TEX36: variants seen among roughly 807,000 people sequenced by gnomAD.
TEX36 encodes the protein testis expressed 36, also known as testis-expressed protein 36.
Under a neutral mutation model 13.6 loss-of-function variants are expected in TEX36, and 12 were observed. The observed-to-expected ratio is 0.88, with a 90% CI of 0.56 to 1.43. The LOEUF (loss-of-function observed/expected upper bound fraction) is 1.43, where lower values mean the gene tolerates loss of function less well. Ranked by LOEUF, TEX36 falls within the 40% of genes most tolerant of loss-of-function variation. TEX36 has a pLI of 0.00. For missense variants in TEX36, 224 were observed against 228.3 expected (o/e 0.98, Z 0.12); for synonymous variants, 93 against 83.0 (o/e 1.12, Z -0.65).
chr10:125,589,466 G>T (rs1845997305), intron 3 of TEX36, among the ~76,000 whole-genome samples: 1 of 152,184 alleles, frequency 6.6e-6, no homozygotes, highest in South Asian at 2.1e-4. Flanking sequence ...TCAGTAACAA[G>T]TGTGATATTG....
rs180883463 is a variant in TEX36, at chr10:125,605,310, G to T, written c.265-28436C>A. Among the ~76,000 whole-genome samples, 5 of 150,232 alleles carry T rather than the reference G, an allele frequency of 3.3e-5. No individual in the cohort carries two copies. In the East Asian group the frequency reaches 9.7e-4, roughly 29 times the overall value. ...CACACACAGCATAGTGCAGCAATGT[G>T]GTCAGTTATTCTCCACACGCAGCAT... On this transcript the variant is annotated intron_variant, in intron 3 of 3. Transcript: ENST00000532135.
intron 3 of TEX36, among the ~76,000 whole-genome samples, chr10:125,582,739 A>G (rs1331853261): frequency 6.6e-6 from 1 of 152,234 alleles, no homozygotes; most frequent in African/African-American, 2.4e-5. Flanking sequence ...GGTATTTTTC[A>G]GCACTTATTT....
chr10:125,577,697 G>T (rs1482892374), intron 3 of TEX36, among the ~76,000 whole-genome samples: 9 of 152,120 alleles, frequency 5.9e-5, no homozygotes, highest in Non-Finnish European at 1.5e-5. Flanking sequence ...CTGCCATATT[G>T]TATAGACAAT....
chr10:125,634,769 A>G (rs75271109), intron 3 of TEX36, among the ~76,000 whole-genome samples: 2,850 of 152,294 alleles, frequency 0.019, 103 homozygotes, highest in African/African-American at 0.066. Context: ...TGTGCTGAAA[A>G]CATCCACCAG....
chr10:125,631,917 A>G (rs949134240), intron 3 of TEX36, among the ~76,000 whole-genome samples: 1 of 152,050 alleles, frequency 6.6e-6, no homozygotes, highest in Non-Finnish European at 1.5e-5. Flanking sequence ...TGGTCTTTTA[A>G]GCAGGAACAC....
chr10:125,646,788 A>G (rs1846775619), intron 3 of TEX36, among the ~76,000 whole-genome samples: 1 of 152,190 alleles, frequency 6.6e-6, no homozygotes, highest in Non-Finnish European at 1.5e-5. Context: ...AAAAGGAAAA[A>G]AAAATGGAAG....
At position 125,683,102 on chromosome 10, in the gene TEX36, C is replaced by T. The variant is rs1664976463; in HGVS notation, c.-113G>A. 2 of 1,140,496 alleles carry T rather than the reference C, an allele frequency of 1.8e-6. No homozygotes were observed. Among genetic ancestry groups the T allele is most frequent in the Non-Finnish European group, 1.3e-6 (1 of 775,784 alleles). 70.6% of individuals were successfully genotyped at this position (1,140,496 alleles called of 1,614,324 possible). A position where few individuals can be genotyped will look rare whatever the true frequency, so the allele number is the denominator to read the frequency against. Reference sequence around the variant, plus strand: ...ATAAGCTCTACACGTCTGGGAAGCTCCTCCTCCTCCTTGTTCCTGATCTTT... The same window carrying T: ...ATAAGCTCTACACGTCTGGGAAGCTTCTCCTCCTCCTTGTTCCTGATCTTT... On this transcript the variant is annotated 5_prime_UTR_variant, in exon 1 of 4. Coordinates refer to ENST00000368821, the MANE Select transcript of TEX36 (RefSeq NM_001128202.3).
chr10:125,603,041 G>A (rs1846168409), intron 3 of TEX36, among the ~76,000 whole-genome samples: 2 of 152,208 alleles, frequency 1.3e-5, no homozygotes, highest in Admixed American at 1.3e-4. Flanking sequence ...CATGCATGGA[G>A]AGGTGAACAC....
rs1413812520 is a variant in TEX36, at chr10:125,656,161, C to T, written c.300G>A (p.Arg100=). The change falls in exon 4 of 4, where the codon AGG becomes AGA. Residue 100 remains arginine (R), a synonymous_variant. Transcript: ENST00000368821. ...GATTAAAATTTCTTGAAACATGTTG[C>T]CTCTTATCTGGAGAGATCTTCTTAC... ...LGRKKISPDK[R]QHVSRNFNLW... 6 of 1,541,490 alleles carry T rather than the reference C, an allele frequency of 3.9e-6. No homozygotes were observed. The highest frequency in any genetic ancestry group is 5.2e-6 in the Non-Finnish European group (6 of 1,144,288).
chr10:125,646,884 T>C (rs1483099668), intron 3 of TEX36, among the ~76,000 whole-genome samples: 1 of 152,322 alleles, frequency 6.6e-6, no homozygotes, highest in East Asian at 1.9e-4. Flanking sequence ...CCAGGAGCTT[T>C]CCTGGCAAAT....
chr10:125,582,889 C>A (rs1215269142), intron 3 of TEX36, among the ~76,000 whole-genome samples: 1 of 152,032 alleles, frequency 6.6e-6, no homozygotes, highest in African/African-American at 2.4e-5. Context: ...GATAATTAAG[C>A]CTCCAAATTT....
intron 3 of TEX36, among the ~76,000 whole-genome samples, chr10:125,627,526 G>A (rs1044901567): frequency 4.6e-5 from 7 of 152,040 alleles, no homozygotes; most frequent in Admixed American, 2.6e-4. Context: ...AATTTAAAAC[G>A]TCATTTTCTA....
rs375432166 is a variant in TEX36, at chr10:125,611,177, A to T, written c.265-34303T>A. Reference sequence around the variant, plus strand: ...TCAGTTTTACTCTATTGTAAATAACACTGGGGTTAATATCCTTCACGCAAT... The same window carrying T: ...TCAGTTTTACTCTATTGTAAATAACTCTGGGGTTAATATCCTTCACGCAAT... On this transcript the variant is annotated intron_variant, in intron 3 of 3. Transcript: ENST00000532135. Among the ~76,000 whole-genome samples the T allele has an allele frequency of 2.0e-5, 3 of 152,360 alleles. 1 individual carries two copies. The highest frequency in any genetic ancestry group is 7.2e-5 in the African/African-American group (3 of 41,598).
At chr10:125,598,799 A>G (rs983063843) in intron 3 of TEX36, among the ~76,000 whole-genome samples, 1 of 152,164 alleles carries the variant, frequency 6.6e-6, no homozygotes, top group African/African-American at 2.4e-5. Flanking sequence ...ACTTTACCTG[A>G]GTTAAATTGC....
intron 3 of TEX36, among the ~76,000 whole-genome samples, chr10:125,586,193 A>C (rs1845945094): frequency 6.6e-6 from 1 of 152,190 alleles, no homozygotes; most frequent in Admixed American, 6.5e-5. Context: ...ATTATTGTAT[A>C]CTTAGTTGGT....
intron 3 of TEX36, among the ~76,000 whole-genome samples, chr10:125,579,663 G>A (rs1845862546): frequency 1.3e-5 from 2 of 152,244 alleles, no homozygotes; most frequent in Middle Eastern, 3.4e-3. Context: ...TTGGATCATG[G>A]GGGTGGATTT....
At chr10:125,598,171 C>T (rs1846104652) in intron 3 of TEX36, among the ~76,000 whole-genome samples, 1 of 152,112 alleles carries the variant, frequency 6.6e-6, no homozygotes, top group African/African-American at 2.4e-5. Context: ...TTTCCTAAGT[C>T]TCCAGTGTAT....
chr10:125,595,273 C>A (rs1846066480), intron 3 of TEX36, among the ~76,000 whole-genome samples: 1 of 151,784 alleles, frequency 6.6e-6, no homozygotes, highest in Non-Finnish European at 1.5e-5. Context: ...GTTGTCCCTC[C>A]CTCATAAAAA....
intron 3 of TEX36, among the ~76,000 whole-genome samples, chr10:125,603,100 C>T (rs1846169628): frequency 6.6e-6 from 1 of 152,208 alleles, no homozygotes; most frequent in African/African-American, 2.4e-5. Context: ...AGACTCGGAC[C>T]ATTTTTCAGG....
Sources: gnomAD v4.1 joint callset for allele counts (sites outside exome capture counted in the v4.1 genomes callset) on GRCh38, gnomAD v4.1.1 for gene constraint, MANE v1.5 for transcripts, NCBI Gene and HGNC (gene_info 2026-07-23, HGNC 2026-07-21) for gene names.